GRIK2: variants seen among roughly 807,000 people sequenced by gnomAD.
GRIK2 encodes glutamate receptor ionotropic, kainate 2.
Under a neutral mutation model 100.3 loss-of-function variants are expected in GRIK2, and 32 were observed. That is an observed-to-expected ratio of 0.32 (90% CI 0.24 to 0.43). GRIK2 has a LOEUF of 0.43. GRIK2 is among the 20% of genes least tolerant of loss of function. The pLI, the probability that GRIK2 is intolerant of heterozygous loss-of-function variation, is 1.00. For synonymous variants in GRIK2, 417 were observed against 389.4 expected, an observed-to-expected ratio of 1.07 and a Z score of -0.83; for missense variants, 843 against 1,114.9, an observed-to-expected ratio of 0.76 and a Z score of 3.47.
intron 9 of GRIK2, among the ~76,000 whole-genome samples, chr6:101,804,093 A>G (rs1213635433): frequency 6.6e-6 from 1 of 151,968 alleles, no homozygotes; most frequent in Admixed American, 6.6e-5. Context: ...TCAAGCTTTC[A>G]AAAGACCAAT....
At chr6:101,750,718 A>G (rs1172058025) in intron 7 of GRIK2, among the ~76,000 whole-genome samples, 1 of 151,964 alleles carries the variant, frequency 6.6e-6, no homozygotes, top group Non-Finnish European at 1.5e-5. Flanking sequence ...CTGAATGCTC[A>G]GAGAGAGAGA....
intron 2 of GRIK2, among the ~76,000 whole-genome samples, chr6:101,486,296 T>C (rs750368447): frequency 4.0e-5 from 6 of 150,132 alleles, no homozygotes; most frequent in Non-Finnish European, 8.9e-5. Flanking sequence ...TAACCGAGCA[T>C]TTGTGAGGCC....
intron 10 of GRIK2, among the ~76,000 whole-genome samples, chr6:101,837,462 A>G (rs1298992530): frequency 6.6e-6 from 1 of 152,206 alleles, no homozygotes. Flanking sequence ...GATTGTGTTA[A>G]TCATTTCATA....
chr6:101,505,681 C>T (rs778929869), intron 2 of GRIK2, among the ~76,000 whole-genome samples: 13 of 148,960 alleles, frequency 8.7e-5, no homozygotes, highest in Non-Finnish European at 1.8e-4. Context: ...AAATTGGGGA[C>T]GAGAGAATGA....
intron 2 of GRIK2, among the ~76,000 whole-genome samples, chr6:101,402,958 G>T (rs1177040118): frequency 6.6e-6 from 1 of 152,192 alleles, no homozygotes; most frequent in Non-Finnish European, 1.5e-5. Context: ...TGCGGCGGCG[G>T]AGGTAATTGA....
intron 7 of GRIK2, among the ~76,000 whole-genome samples, chr6:101,706,347 G>A (rs1773297010): frequency 6.6e-6 from 1 of 151,834 alleles, no homozygotes; most frequent in Non-Finnish European, 1.5e-5. Flanking sequence ...ATATATGTCT[G>A]TTGACATATT....
intron 7 of GRIK2, among the ~76,000 whole-genome samples, chr6:101,695,036 T>G (rs1772382241): frequency 6.6e-6 from 1 of 151,186 alleles, no homozygotes; most frequent in Admixed American, 6.6e-5. Context: ...ATATCTAAAT[T>G]CATATTATCA....
chr6:101,836,657 A>ATT (rs1371506983), intron 10 of GRIK2, among the ~76,000 whole-genome samples: 56 of 39,496 alleles, frequency 1.4e-3, no homozygotes, highest in African/African-American at 2.3e-3. Context: ...ATATATATAT[A>ATT]TATATTTTTT....
chr6:101,400,592 C>G (rs1448813747), intron 2 of GRIK2, among the ~76,000 whole-genome samples: 1 of 152,198 alleles, frequency 6.6e-6, no homozygotes, highest in Non-Finnish European at 1.5e-5. Flanking sequence ...GTCACTCGGT[C>G]AAATTTAAAC....
chr6:101,904,808 A>C (rs1172317898), intron 12 of GRIK2, among the ~76,000 whole-genome samples: 1 of 151,530 alleles, frequency 6.6e-6, no homozygotes, highest in East Asian at 1.9e-4. Context: ...TTTTGTGTTT[A>C]TTGCAAGAAT....
chr6:101,522,931 T>A (rs1324712811), intron 2 of GRIK2, among the ~76,000 whole-genome samples: 1 of 150,528 alleles, frequency 6.6e-6, no homozygotes, highest in African/African-American at 2.4e-5. Flanking sequence ...TGTTATATAT[T>A]TAATCTATTT....
chr6:101,515,054 C>T (rs1774514787), intron 2 of GRIK2, among the ~76,000 whole-genome samples: 1 of 152,084 alleles, frequency 6.6e-6, no homozygotes, highest in African/African-American at 2.4e-5. Context: ...CTCCCTCCCA[C>T]TCTTCCCGCC....
intron 2 of GRIK2, among the ~76,000 whole-genome samples, chr6:101,533,535 A>G (rs1320105148): frequency 1.3e-5 from 2 of 151,902 alleles, no homozygotes; most frequent in African/African-American, 4.8e-5. Context: ...TTTGTAAGGT[A>G]TCATAGTGCC....
chr6:101,714,194 T>C (rs1773908663), intron 7 of GRIK2, among the ~76,000 whole-genome samples: 1 of 151,642 alleles, frequency 6.6e-6, no homozygotes, highest in Admixed American at 6.6e-5. Flanking sequence ...GTAAAGTTCT[T>C]TTTTTTGTCA....
chr6:101,967,938 C>T (rs929831133), intron 14 of GRIK2, among the ~76,000 whole-genome samples: 3 of 151,360 alleles, frequency 2.0e-5, no homozygotes, highest in African/African-American at 7.3e-5. Flanking sequence ...CCACCCCCCA[C>T]CATATAAACA....
intron 2 of GRIK2, among the ~76,000 whole-genome samples, chr6:101,578,756 G>T (rs760390937): frequency 6.6e-6 from 1 of 152,038 alleles, no homozygotes; most frequent in African/African-American, 2.4e-5. Context: ...TTTGATGAAG[G>T]CTCATTTCTA....
intron 14 of GRIK2, among the ~76,000 whole-genome samples, chr6:101,980,820 T>C (rs1307590675): frequency 1.3e-5 from 2 of 149,814 alleles, no homozygotes; most frequent in Admixed American, 6.7e-5. Flanking sequence ...ATATAGTAAA[T>C]AATAAAAATT....
chr6:101,856,614 T>C (rs1008802934), intron 10 of GRIK2, among the ~76,000 whole-genome samples: 4 of 152,104 alleles, frequency 2.6e-5, no homozygotes, highest in South Asian at 4.1e-4. Flanking sequence ...TAATGGACCA[T>C]GGAATTTGGG....
intron 10 of GRIK2, among the ~76,000 whole-genome samples, chr6:101,844,210 C>G (rs1445179736): frequency 6.6e-6 from 1 of 151,988 alleles, no homozygotes; most frequent in Non-Finnish European, 1.5e-5. Flanking sequence ...TCTAAATTTA[C>G]TTTTTAAATG....
Sources: gnomAD v4.1 joint callset for allele counts (sites outside exome capture counted in the v4.1 genomes callset) on GRCh38, gnomAD v4.1.1 for gene constraint, MANE v1.5 for transcripts, NCBI Gene and HGNC (gene_info 2026-07-23, HGNC 2026-07-21) for gene names.